The following KLF3 variants were observed in gnomAD, a reference collection of about 807,000 sequenced individuals.
KLF3 encodes the protein Krueppel-like factor 3.
A neutral mutation model predicts 32.7 loss-of-function variants in KLF3; 6 were observed. The observed-to-expected ratio is 0.18, with a 90% CI of 0.10 to 0.36. KLF3 has a LOEUF of 0.36. KLF3 is among the 10% of genes least tolerant of loss of function. The pLI, the probability that KLF3 is intolerant of heterozygous loss-of-function variation, is 1.00. For synonymous variants in KLF3, 145 were observed against 172.8 expected (o/e 0.84, Z 1.26); for missense variants, 338 against 449.7 (o/e 0.75, Z 2.25).
intron 1 of KLF3, among the ~76,000 whole-genome samples, chr4:38,677,085 C>T (rs913491682): frequency 2.6e-5 from 4 of 151,648 alleles, no homozygotes; most frequent in Admixed American, 6.6e-5. Context: ...CTCAGCCTCC[C>T]GAATAGCTGG....
chr4:38,689,127 C>T (rs1722797801), intron 3 of KLF3, 56 bp downstream of exon 3: 1 of 1,590,808 alleles, frequency 6.3e-7, no homozygotes, highest in Non-Finnish European at 8.6e-7. Flanking sequence ...TGGCGCTTCA[C>T]CAGATGGGGT....
At chr4:38,678,298 G>A (rs1044872742) in intron 1 of KLF3, among the ~76,000 whole-genome samples, 3 of 152,090 alleles carry the variant, frequency 2.0e-5, no homozygotes, top group Admixed American at 6.6e-5. Flanking sequence ...ACAATTCTTA[G>A]AACCATGTTC....
intron 1 of KLF3, among the ~76,000 whole-genome samples, chr4:38,666,666 C>T (rs1015937520): frequency 2.0e-5 from 3 of 152,300 alleles, no homozygotes; most frequent in Middle Eastern, 3.4e-3. Flanking sequence ...TTTCTATAAA[C>T]GTGTGTATAT....
At chr4:38,693,613 C>G (rs1200954894) in intron 4 of KLF3, among the ~76,000 whole-genome samples, 1 of 151,920 alleles carries the variant, frequency 6.6e-6, no homozygotes, top group African/African-American at 2.4e-5. Context: ...TCCTCAAACA[C>G]TTAGGCAAAA....
At chr4:38,677,870 G>A (rs1722398695) in intron 1 of KLF3, among the ~76,000 whole-genome samples, 1 of 136,300 alleles carries the variant, frequency 7.3e-6, no homozygotes, top group Admixed American at 7.7e-5. Flanking sequence ...ATAAATGAGG[G>A]CAAAAGGAGT....
At chr4:38,672,507 G>A (rs747469754) in intron 1 of KLF3, among the ~76,000 whole-genome samples, 4 of 152,184 alleles carry the variant, frequency 2.6e-5, no homozygotes, top group Non-Finnish European at 5.9e-5. Flanking sequence ...GAATTAGGGG[G>A]ATTTAGATAA....
rs763121021 is a variant in KLF3 at position 38,697,102 on chromosome 4, A to G, written c.877A>G (p.Thr293Ala). 1.2e-6 allele frequency: 2 copies of G among 1,609,260 alleles called. No individual in the cohort carries two copies. Among genetic ancestry groups the G allele is most frequent in the Non-Finnish European group, 1.7e-6 (2 of 1,177,948 alleles). The part of the protein sequence containing the change: ...THTGEKPYKC[T>A]WEGCTWKFAR... ...TGCAGGAGAAAAACCCTACAAATGT[A>G]CATGGGAAGGGTGCACATGGAAGTT... is the stretch of plus-strand genomic sequence containing the variant. The change falls in exon 6 of 6, where the codon ACA becomes GCA. Residue 293 changes from threonine (T) to alanine (A), a missense_variant. By Grantham distance (58) the Thr-to-Ala change is moderately conservative (BLOSUM62 0). Coordinates refer to ENST00000261438, the MANE Select transcript of KLF3 (RefSeq NM_016531.6).
rs60339860 is a variant in KLF3, at chr4:38,669,893, CAAAAAAAAAAA to C, written c.-40+5452_-40+5462del. Reference sequence around the variant, plus strand: ...GGGCAACAAGAGTGAGACTCTGTCTCAAAAAAAAAAAAAAAAAAAAAAAAAAAAAAGATGTC... The same window carrying C: ...GGGCAACAAGAGTGAGACTCTGTCTCAAAAAAAAAAAAAAAAAAAGATGTC... On this transcript the variant is annotated intron_variant, in intron 1 of 5. Coordinates refer to ENST00000261438, the MANE Select transcript of KLF3 (RefSeq NM_016531.6). Among the ~76,000 whole-genome samples the C allele has an allele frequency of 1.9e-4, 8 of 41,170 alleles. No individual in the cohort carries two copies. The East Asian group carries it at 4.4e-3, about 23-fold the overall frequency. 27.0% of individuals were successfully genotyped at this position (41,170 alleles called of 152,430 possible). A position where few individuals can be genotyped will look rare whatever the true frequency, so the allele number is the denominator to read the frequency against.
At chr4:38,681,349 C>A (rs1461005261) in intron 2 of KLF3, among the ~76,000 whole-genome samples, 1 of 152,200 alleles carries the variant, frequency 6.6e-6, no homozygotes, top group Non-Finnish European at 1.5e-5. Context: ...AAACCAATGA[C>A]AACAGCCATA....
chr4:38,684,115 C>T (rs528582537), intron 2 of KLF3, among the ~76,000 whole-genome samples: 3 of 152,236 alleles, frequency 2.0e-5, no homozygotes, highest in East Asian at 1.9e-4. Flanking sequence ...TCCGTCATTC[C>T]GTCCACTGAA....
intron 2 of KLF3, among the ~76,000 whole-genome samples, chr4:38,683,690 G>A (rs1326145017): frequency 6.6e-6 from 1 of 151,572 alleles, no homozygotes; most frequent in Non-Finnish European, 1.5e-5. Context: ...CAGGAAGTGA[G>A]CAAGGAAACA....
In KLF3 at chr4:38,671,555, A is replaced by G. The variant is rs943591146; in HGVS notation, c.-40+7094A>G. On this transcript the variant is annotated intron_variant, in intron 1 of 5. Transcript: ENST00000261438. The surrounding 1 kb of genome is among the most constrained non-coding windows in gnomAD (Gnocchi z 4.4). ...CAACCTGTTCACAGAAATCACTATC[A>G]TGTACTTACTGTTGGTGGTGTAATG... 1.3e-5 allele frequency among the ~76,000 whole-genome samples: 2 copies of G among 152,156 alleles called. No individual in the cohort carries two copies.
intron 1 of KLF3, among the ~76,000 whole-genome samples, chr4:38,666,468 G>T (rs960903507): frequency 6.6e-6 from 1 of 150,622 alleles, no homozygotes; most frequent in Admixed American, 6.6e-5. Flanking sequence ...GAGTTAAACA[G>T]TCCTGGCTAA....
chr4:38,680,122 T>A (rs1411466897), intron 1 of KLF3, among the ~76,000 whole-genome samples: 1 of 152,102 alleles, frequency 6.6e-6, no homozygotes, highest in Non-Finnish European at 1.5e-5. Context: ...CTTTCATAGG[T>A]AAGGGAAACA....
At position 38,689,895 on chromosome 4, in the gene KLF3, T is replaced by C; in HGVS notation, c.695+16T>C. 6.8e-7 allele frequency: 1 copy of C among 1,476,008 alleles called. No homozygotes were observed. Among genetic ancestry groups the C allele is most frequent in the Non-Finnish European group, 9.1e-7 (1 of 1,098,724 alleles). 91.4% of individuals were successfully genotyped at this position (1,476,008 alleles called of 1,614,324 possible). ...TGTTGCAAGAGTAAGTATATTTAGGTCTACCCAGCATTTGCATAGTAGTGT... is the reference window on the plus strand; with the variant it reads ...TGTTGCAAGAGTAAGTATATTTAGGCCTACCCAGCATTTGCATAGTAGTGT... On this transcript the variant is annotated intron_variant, in intron 4 of 5. Coordinates refer to ENST00000261438, the MANE Select transcript of KLF3 (RefSeq NM_016531.6).
In KLF3 at chr4:38,678,604, G is replaced by C. The variant is rs146444841; in HGVS notation, c.-39-1983G>C. On this transcript the variant is annotated intron_variant, in intron 1 of 5. Transcript: ENST00000261438. The stretch of plus-strand genomic sequence containing the variant: ...AGATTCAAAACAGGCTTTCTTCAAT[G>C]AATCAACGAAGCACAAGAACGACAT... Among the ~76,000 whole-genome samples, 1,476 of 152,292 alleles carry C rather than the reference G, an allele frequency of 9.7e-3. 20 individuals carry two copies. The highest frequency in any genetic ancestry group is 0.033 in the African/African-American group (1,375 of 41,556).
chr4:38,681,712 G>C (rs367659799), intron 2 of KLF3, among the ~76,000 whole-genome samples: 10 of 152,210 alleles, frequency 6.6e-5, no homozygotes, highest in African/African-American at 2.4e-4. Context: ...ACTCTGTCTT[G>C]CTCTTTTCTT....
chr4:38,665,502 G>A (rs2109335859), intron 1 of KLF3, among the ~76,000 whole-genome samples: 1 of 152,298 alleles, frequency 6.6e-6, no homozygotes, highest in East Asian at 1.9e-4. Flanking sequence ...GAATGTGAAT[G>A]AGACTTATTT....
chr4:38,666,040 G>A (rs905465532), intron 1 of KLF3, among the ~76,000 whole-genome samples: 7 of 152,178 alleles, frequency 4.6e-5, no homozygotes, highest in African/African-American at 1.4e-4. Context: ...TTAGATGTTC[G>A]ATTAAATTAA....
Sources: allele counts gnomAD v4.1 joint callset (sites outside exome capture counted in the v4.1 genomes callset), GRCh38; gene constraint gnomAD v4.1.1; non-coding constraint Gnocchi (gnomAD v3.1); transcripts MANE v1.5; gene names NCBI Gene and HGNC (gene_info 2026-07-23, HGNC 2026-07-21).